WDPCP: variants seen among roughly 807,000 people sequenced by gnomAD.
WDPCP encodes WD repeat-containing and planar cell polarity effector protein fritz homolog.
WDPCP carries 71 observed loss-of-function variants against 93.1 expected under a neutral mutation model. The observed-to-expected ratio is 0.76, with a 90% CI of 0.63 to 0.93. The LOEUF (loss-of-function observed/expected upper bound fraction) is 0.93. Among genes scored for constraint, WDPCP ranks in the 40% least tolerant of loss-of-function variants. WDPCP has a pLI of 0.00. For missense variants in WDPCP, 844 were observed against 887.4 expected (o/e 0.95, Z 0.62); for synonymous variants, 315 against 315.0 (o/e 1.00, Z 0.00).
At chr2:63,123,025 A>G (rs1669655844) in intron 17 of WDPCP, among the ~76,000 whole-genome samples, 1 of 150,146 alleles carries the variant, frequency 6.7e-6, no homozygotes, top group South Asian at 2.1e-4. Flanking sequence ...ATGTGCCTGT[A>G]GACCTTGATG....
chr2:63,252,535 C>T (rs947261918), intron 14 of WDPCP, among the ~76,000 whole-genome samples: 4 of 152,048 alleles, frequency 2.6e-5, no homozygotes, highest in African/African-American at 9.7e-5. Context: ...CTAAGGACTT[C>T]ACCAGAAGAC....
intron 12 of WDPCP, among the ~76,000 whole-genome samples, chr2:63,365,829 G>A (rs1690861861): frequency 6.6e-6 from 1 of 152,144 alleles, no homozygotes; most frequent in Non-Finnish European, 1.5e-5. Flanking sequence ...ATGTAGCCAA[G>A]CTATGGTTGT....
chr2:63,556,946 T>C (rs1706172519), intron 1 of WDPCP, among the ~76,000 whole-genome samples: 1 of 152,140 alleles, frequency 6.6e-6, no homozygotes, highest in Admixed American at 6.5e-5. Flanking sequence ...GGAAATAAAA[T>C]CCTTTTTGGA....
At chr2:63,517,275 T>A (rs1702617674) in intron 1 of WDPCP, among the ~76,000 whole-genome samples, 1 of 151,910 alleles carries the variant, frequency 6.6e-6, no homozygotes, top group Non-Finnish European at 1.5e-5. Flanking sequence ...AAAAGTATAT[T>A]TTAAATATAT....
At chr2:63,552,769 A>G (rs1705777379) in intron 1 of WDPCP, among the ~76,000 whole-genome samples, 1 of 152,244 alleles carries the variant, frequency 6.6e-6, no homozygotes, top group African/African-American at 2.4e-5. Context: ...ATTAGGGACC[A>G]GCAGTGATTA....
intron 2 of WDPCP, among the ~76,000 whole-genome samples, chr2:63,731,907 A>G (rs1669567009): frequency 6.6e-6 from 1 of 152,228 alleles, no homozygotes; most frequent in Non-Finnish European, 1.5e-5. Flanking sequence ...TAGATTAAGC[A>G]AAGTCTAGTT....
At chr2:63,471,012 C>T (rs1410009295) in intron 6 of WDPCP, among the ~76,000 whole-genome samples, 1 of 152,150 alleles carries the variant, frequency 6.6e-6, no homozygotes, top group African/African-American at 2.4e-5. Flanking sequence ...TTCCTGGCCA[C>T]CAAATATGAG....
At chr2:63,338,569 A>AAATAT (rs1688611848) in intron 12 of WDPCP, among the ~76,000 whole-genome samples, 2 of 14,486 alleles carry the variant, frequency 1.4e-4, no homozygotes. Context: ...AAAAAAAAAA[A>AAATAT]ATATATATAT....
At chr2:63,313,498 G>A (rs1362639036) in intron 12 of WDPCP, among the ~76,000 whole-genome samples, 187 bp from the exon 13 acceptor site, 2 of 152,172 alleles carry the variant, frequency 1.3e-5, no homozygotes, top group African/African-American at 2.4e-5. Context: ...AGGAGGGGCT[G>A]AGGCGCAGAG....
intron 10 of WDPCP, among the ~76,000 whole-genome samples, chr2:63,397,167 C>G (rs552796294): frequency 6.6e-6 from 1 of 152,184 alleles, no homozygotes; most frequent in South Asian, 2.1e-4. Context: ...AAAGCAATGA[C>G]AGTGACGCTG....
At chr2:63,644,243 C>CTTTTTTT (rs1167296293) in intron 3 of WDPCP, among the ~76,000 whole-genome samples, 5 of 118,488 alleles carry the variant, frequency 4.2e-5, no homozygotes, top group Non-Finnish European at 6.7e-5. Flanking sequence ...TTCTCCTCTA[C>CTTTTTTT]TTTTTTTTTT....
intron 2 of WDPCP, chr2:63,711,669 G>C (rs1009527475): frequency 6.6e-6 from 1 of 152,318 alleles, no homozygotes; most frequent in African/African-American, 2.4e-5. Context: ...GCTAAAGGGG[G>C]AAGATCCATT....
chr2:63,795,007 A>C (rs767026028), intron 2 of WDPCP, among the ~76,000 whole-genome samples: 4 of 152,252 alleles, frequency 2.6e-5, no homozygotes, highest in Non-Finnish European at 5.9e-5. Flanking sequence ...TATGCTGAAA[A>C]TGACAACACA....
At chr2:63,130,821 G>A (rs1416726940) in intron 17 of WDPCP, among the ~76,000 whole-genome samples, 2 of 151,914 alleles carry the variant, frequency 1.3e-5, no homozygotes, top group African/African-American at 4.8e-5. Context: ...TTACTGCATT[G>A]CTGTCTATTT....
chr2:63,666,548 A>G (rs1710285539), intron 2 of WDPCP, among the ~76,000 whole-genome samples: 1 of 152,202 alleles, frequency 6.6e-6, no homozygotes, highest in South Asian at 2.1e-4. Context: ...TTTCACGCAT[A>G]ATCCTGCAGA....
intron 6 of WDPCP, among the ~76,000 whole-genome samples, chr2:63,448,463 CACACA>C (rs1558648034): frequency 6.6e-6 from 1 of 151,826 alleles, no homozygotes; most frequent in Non-Finnish European, 1.5e-5. Flanking sequence ...CACACACACA[CACACA>C]CCCTTAATAT....
intron 1 of WDPCP, among the ~76,000 whole-genome samples, chr2:63,504,081 TG>T (rs1373757966): frequency 6.6e-6 from 1 of 152,052 alleles, no homozygotes; most frequent in Admixed American, 6.6e-5. Context: ...CTGAAAGAAA[TG>T]GCTTCTTATA....
chr2:63,629,686 C>T (rs1431844336), intron 3 of WDPCP, among the ~76,000 whole-genome samples: 1 of 152,228 alleles, frequency 6.6e-6, no homozygotes, highest in Admixed American at 6.5e-5. Flanking sequence ...TCCACTCCCA[C>T]CCAGCAGTAA....
chr2:63,514,249 T>C (rs1389445603), intron 1 of WDPCP, among the ~76,000 whole-genome samples: 3 of 152,098 alleles, frequency 2.0e-5, no homozygotes, highest in African/African-American at 4.8e-5. Context: ...ATATGGGCTA[T>C]ATGGATTTTT....
Sources: allele counts gnomAD v4.1 joint callset (sites outside exome capture counted in the v4.1 genomes callset), GRCh38; gene constraint gnomAD v4.1.1; transcripts MANE v1.5; gene names NCBI Gene and HGNC (gene_info 2026-07-23, HGNC 2026-07-21).